Variants in MRPL13 observed in about 807,000 individuals in gnomAD.
MRPL13 encodes large ribosomal subunit protein uL13m.
Under a neutral mutation model 29.0 loss-of-function variants are expected in MRPL13, and 33 were observed. The observed-to-expected ratio is 1.14, with a 90% CI of 0.86 to 1.52. MRPL13 has a LOEUF of 1.52. Ranked by LOEUF, MRPL13 falls within the 40% of genes most tolerant of loss-of-function variation. The probability of loss-of-function intolerance (pLI) is 0.00; values close to 1 mark genes in which losing one functional copy is unlikely to be tolerated. For missense variants in MRPL13, 227 were observed against 216.7 expected, an observed-to-expected ratio of 1.05 and a Z score of -0.30; for synonymous variants, 77 against 68.4, an observed-to-expected ratio of 1.13 and a Z score of -0.62.
At chr8:120,430,352 G>A (rs980657685) in intron 3 of MRPL13, among the ~76,000 whole-genome samples, 1 of 152,096 alleles carries the variant, frequency 6.6e-6, no homozygotes, top group Non-Finnish European at 1.5e-5. Flanking sequence ...GGTAAGTCAT[G>A]GGATCAGGAG....
intron 6 of MRPL13, among the ~76,000 whole-genome samples, chr8:120,405,360 A>AT (rs771209337): frequency 1.3e-5 from 2 of 152,206 alleles, no homozygotes; most frequent in Non-Finnish European, 1.5e-5. Flanking sequence ...AGGGCTATTT[A>AT]TGTCTGTGTT....
chr8:120,418,868 A>G (rs1001414202), intron 5 of MRPL13, among the ~76,000 whole-genome samples: 5 of 152,044 alleles, frequency 3.3e-5, no homozygotes, highest in African/African-American at 1.2e-4. Flanking sequence ...TATAGCGAAG[A>G]CAATAAATCA....
intron 6 of MRPL13, among the ~76,000 whole-genome samples, chr8:120,411,585 T>C (rs1050728674): frequency 6.6e-6 from 1 of 152,216 alleles, no homozygotes; most frequent in Admixed American, 6.5e-5. Context: ...AGTACACCTA[T>C]ACTATCCATA....
chr8:120,396,134 A>G lies in MRPL13; in HGVS notation c.516-9T>C. 1.3e-6 allele frequency: 2 copies of G among 1,568,102 alleles called. No homozygotes were observed. The highest frequency in any genetic ancestry group is 1.7e-6 in the Non-Finnish European group (2 of 1,145,426). ...GCCGATAATCTTCAGGTCTGAAAGA[A>G]AAAATCAACATATTTCTTCATGAAT... is the stretch of plus-strand genomic sequence containing the variant. On this transcript the variant is annotated splice_polypyrimidine_tract_variant and intron_variant, in intron 6 of 6. Coordinates refer to ENST00000306185, the MANE Select transcript of MRPL13 (RefSeq NM_014078.6).
intron 2 of MRPL13, among the ~76,000 whole-genome samples, chr8:120,435,956 G>A (rs1011811076): frequency 2.0e-5 from 3 of 151,916 alleles, no homozygotes; most frequent in Non-Finnish European, 4.4e-5. Context: ...TATGTCCTTT[G>A]CCCACTTTTT....
chr8:120,421,238 A>G (rs1178853762), intron 4 of MRPL13, among the ~76,000 whole-genome samples: 2 of 151,928 alleles, frequency 1.3e-5, no homozygotes, highest in Non-Finnish European at 2.9e-5. Flanking sequence ...AGAAAATATA[A>G]GGACATAGAA....
intron 2 of MRPL13, among the ~76,000 whole-genome samples, chr8:120,442,027 C>A (rs1294086945): frequency 6.6e-6 from 1 of 152,098 alleles, no homozygotes; most frequent in African/African-American, 2.4e-5. Context: ...AAAGGACAAA[C>A]AACTCAGTGA....
intron 6 of MRPL13, among the ~76,000 whole-genome samples, chr8:120,405,586 TTACTAA>T (rs1459354380): frequency 2.0e-5 from 3 of 152,160 alleles, no homozygotes; most frequent in Non-Finnish European, 4.4e-5. Flanking sequence ...CAGTAAGAAA[TTACTAA>T]TACTATCTAA....
intron 5 of MRPL13, chr8:120,415,513 CT>C (rs1812793131): frequency 6.6e-6 from 1 of 152,036 alleles, no homozygotes; most frequent in Non-Finnish European, 1.5e-5. Context: ...TCACAGAGCT[CT>C]ACTGTCCTGT....
chr8:120,437,655 T>A (rs994450198), intron 2 of MRPL13, among the ~76,000 whole-genome samples: 1 of 152,168 alleles, frequency 6.6e-6, no homozygotes, highest in East Asian at 1.9e-4. Context: ...CCTTTACCAG[T>A]TCCACATCCT....
chr8:120,402,472 C>T (rs182734480), intron 6 of MRPL13, among the ~76,000 whole-genome samples: 142 of 152,300 alleles, frequency 9.3e-4, no homozygotes, highest in African/African-American at 3.3e-3. Flanking sequence ...AACTGGACCC[C>T]TTCCTTACAC....
Position 120,396,073 on chromosome 8 carries a change from T to C in MRPL13, c.*31A>G. On this transcript the variant is annotated 3_prime_UTR_variant, in exon 7 of 7. Coordinates refer to ENST00000306185, the MANE Select transcript of MRPL13 (RefSeq NM_014078.6). ...CTCATCAGAAGAAAGTTTCAATCAC[T>C]TCACTGTTATTTTCTGCAATTCTTA... The C allele has an allele frequency of 6.4e-7, 1 of 1,567,070 alleles. No individual in the cohort carries two copies.
chr8:120,432,100 T>G lies in MRPL13; in HGVS notation c.175A>C (p.Ile59Leu), dbSNP rs746556207. The G allele has an allele frequency of 2.5e-6, 4 of 1,604,370 alleles. No individual in the cohort carries two copies. In the South Asian group the frequency reaches 3.4e-5, roughly 14 times the overall value. The change falls in exon 3 of 7, where the codon ATA (isoleucine) becomes CTA (leucine). Residue 59 changes from isoleucine (I) to leucine (L), a missense_variant. Physicochemically the swap from Ile to Leu is conservative, Grantham distance 5. Coordinates refer to ENST00000306185, the MANE Select transcript of MRPL13 (RefSeq NM_014078.6). ...AATGCAATGTGTCTTGTGTTCATTATAACAACATGATCCCCACAGTCACCT... is the reference window on the plus strand; with the variant it reads ...AATGCAATGTGTCTTGTGTTCATTAGAACAACATGATCCCCACAGTCACCT... ...ALSDCGDHVV[I>L]MNTRHIAFSG...
intron 1 of MRPL13, chr8:120,444,863 A>C: frequency 1.6e-5 from 6 of 374,946 alleles, no homozygotes; most frequent in East Asian, 7.0e-5. Flanking sequence ...AAAAGGGCAG[A>C]TTGAAAAGAA....
chr8:120,406,555 ATGTGTGTG>A (rs72150915), intron 6 of MRPL13, among the ~76,000 whole-genome samples: 73,057 of 147,054 alleles, frequency 0.5, 20,308 homozygotes, highest in Non-Finnish European at 0.62. Flanking sequence ...ATATGTGTGC[ATGTGTGTG>A]TGTGTGTGTG....
In MRPL13 at chr8:120,432,096, A is replaced by G. The variant is rs769320456; in HGVS notation, c.179T>C (p.Met60Thr). Reference sequence around the variant, plus strand: ...AGAAAATGCAATGTGTCTTGTGTTCATTATAACAACATGATCCCCACAGTC... The same window carrying G: ...AGAAAATGCAATGTGTCTTGTGTTCGTTATAACAACATGATCCCCACAGTC... ...LSDCGDHVVIMNTRHIAFSGN... is the reference protein window; with the variant it reads ...LSDCGDHVVITNTRHIAFSGN... The change falls in exon 3 of 7, where the codon ATG becomes ACG. Residue 60 changes from methionine (M) to threonine (T), a missense_variant. Physicochemically the swap from Met to Thr is moderately conservative, Grantham distance 81. Coordinates refer to ENST00000306185, the MANE Select transcript of MRPL13 (RefSeq NM_014078.6). The G allele has an allele frequency of 1.2e-6, 2 of 1,604,382 alleles. No homozygotes were observed. Among genetic ancestry groups the G allele is most frequent in the East Asian group, 4.5e-5 (2 of 44,348 alleles).
chr8:120,422,183 C>T (rs946029593), intron 4 of MRPL13, among the ~76,000 whole-genome samples: 11 of 151,496 alleles, frequency 7.3e-5, no homozygotes, highest in African/African-American at 2.4e-4. Context: ...AAATTTTAGG[C>T]AGTATTATAC....
intron 6 of MRPL13, among the ~76,000 whole-genome samples, chr8:120,408,456 T>G (rs917289641): frequency 6.6e-6 from 1 of 152,210 alleles, no homozygotes; most frequent in African/African-American, 2.4e-5. Flanking sequence ...ATGCCTAATT[T>G]GAGCAAAACC....
chr8:120,416,232 C>A (rs574551718), intron 5 of MRPL13, among the ~76,000 whole-genome samples: 1 of 152,156 alleles, frequency 6.6e-6, no homozygotes, highest in Non-Finnish European at 1.5e-5. Context: ...CGGTGGCTCA[C>A]GTCTGTAATC....
Sources: allele counts gnomAD v4.1 joint callset (sites outside exome capture counted in the v4.1 genomes callset), GRCh38; gene constraint gnomAD v4.1.1; transcripts MANE v1.5; gene names NCBI Gene and HGNC (gene_info 2026-07-23, HGNC 2026-07-21).